PPM1L: variants seen among roughly 807,000 people sequenced by gnomAD.
PPM1L encodes protein phosphatase 1L.
Under a neutral mutation model 31.4 loss-of-function variants are expected in PPM1L, and 13 were observed. That is an observed-to-expected ratio of 0.41 (90% CI 0.27 to 0.66). The LOEUF is 0.66. Ranked by LOEUF, PPM1L falls within the 30% of genes least tolerant of loss-of-function variation. The pLI is 0.29. For synonymous variants in PPM1L, 184 were observed against 175.4 expected, an observed-to-expected ratio of 1.05 and a Z score of -0.39; for missense variants, 326 against 453.7, an observed-to-expected ratio of 0.72 and a Z score of 2.56.
At chr3:160,931,103 A>G (rs1714770954) in intron 1 of PPM1L, among the ~76,000 whole-genome samples, 1 of 152,220 alleles carries the variant, frequency 6.6e-6, no homozygotes, top group Admixed American at 6.5e-5. Context: ...ACACTAATTA[A>G]GACAGTAGGG....
rs547202467 is a variant in PPM1L, at chr3:160,903,014, C to T, written c.400-58722C>T. On this transcript the variant is annotated intron_variant, in intron 1 of 3. Transcript: ENST00000498165. ...GCTACCTATAAACTGACTTGTGGGA[C>T]CTTAGATAAGGTACATATCTTTAAA... Among the ~76,000 whole-genome samples, 3 of 152,202 alleles carry T rather than the reference C, an allele frequency of 2.0e-5. No homozygotes were observed. The South Asian group carries it at 6.2e-4, about 32-fold the overall frequency.
At chr3:160,797,950 C>G (rs62272819) in intron 1 of PPM1L, among the ~76,000 whole-genome samples, 1 of 152,122 alleles carries the variant, frequency 6.6e-6, no homozygotes, top group South Asian at 2.1e-4. Context: ...GAGGCCAAGG[C>G]GGGCGGATCA....
intron 2 of PPM1L, among the ~76,000 whole-genome samples, chr3:161,045,535 G>A (rs1240973212): frequency 6.6e-6 from 1 of 152,150 alleles, no homozygotes; most frequent in Non-Finnish European, 1.5e-5. Context: ...GGTGTATAAC[G>A]AAATGAAGGC....
At chr3:160,807,264 C>T (rs1712633174) in intron 1 of PPM1L, among the ~76,000 whole-genome samples, 1 of 152,188 alleles carries the variant, frequency 6.6e-6, no homozygotes, top group South Asian at 2.1e-4. Context: ...TAGGCACCCA[C>T]CTTCAATGAA....
At chr3:161,046,514 G>C (rs1189273878) in intron 2 of PPM1L, among the ~76,000 whole-genome samples, 2 of 152,102 alleles carry the variant, frequency 1.3e-5, no homozygotes, top group Non-Finnish European at 1.5e-5. Flanking sequence ...AGAGGTACAA[G>C]GAGGAGCTGG....
chr3:160,941,318 GT>G (rs1297213915), intron 1 of PPM1L, among the ~76,000 whole-genome samples: 2 of 152,136 alleles, frequency 1.3e-5, no homozygotes, highest in African/African-American at 4.8e-5. Flanking sequence ...GGGAAGGCAT[GT>G]TTGGTTTTGA....
intron 2 of PPM1L, among the ~76,000 whole-genome samples, chr3:161,010,458 A>G (rs1475654716): frequency 6.6e-6 from 1 of 152,144 alleles, no homozygotes; most frequent in Non-Finnish European, 1.5e-5. Context: ...AGTCTTTGCT[A>G]TTGTGAATAG....
intron 1 of PPM1L, among the ~76,000 whole-genome samples, chr3:160,793,783 C>A (rs1712168848): frequency 6.6e-6 from 1 of 152,134 alleles, no homozygotes; most frequent in African/African-American, 2.4e-5. Context: ...TTCCAGAGAA[C>A]AATGGCAGGG....
intron 2 of PPM1L, among the ~76,000 whole-genome samples, chr3:161,054,981 T>C (rs1719371776): frequency 6.6e-6 from 1 of 152,198 alleles, no homozygotes; most frequent in East Asian, 1.9e-4. Context: ...ATTTGAATCG[T>C]AATTAGTATT....
chr3:161,062,145 GAA>G (rs1284006820), intron 2 of PPM1L, among the ~76,000 whole-genome samples: 3 of 147,150 alleles, frequency 2.0e-5, no homozygotes, highest in East Asian at 3.9e-4. Context: ...AGTGGGGGGG[GAA>G]AAAAAAAAGC....
chr3:160,787,987 A>G (rs534917621), intron 1 of PPM1L, among the ~76,000 whole-genome samples: 6 of 152,094 alleles, frequency 3.9e-5, no homozygotes, highest in African/African-American at 1.4e-4. Context: ...CTGTTTTTGA[A>G]CCAGTACCAT....
At chr3:160,895,260 T>C (rs1257949553) in intron 1 of PPM1L, among the ~76,000 whole-genome samples, 1 of 152,204 alleles carries the variant, frequency 6.6e-6, no homozygotes, top group Non-Finnish European at 1.5e-5. Context: ...TTACCCAGGC[T>C]GGGGTGCAGT....
chr3:161,066,098 T>A (rs553495215), intron 3 of PPM1L, among the ~76,000 whole-genome samples: 18 of 152,346 alleles, frequency 1.2e-4, no homozygotes, highest in South Asian at 8.3e-4. Flanking sequence ...TTACAATACA[T>A]GGACATACCT....
intron 2 of PPM1L, among the ~76,000 whole-genome samples, chr3:160,977,132 T>C (rs1391860528): frequency 6.6e-6 from 1 of 152,232 alleles, no homozygotes; most frequent in Admixed American, 6.5e-5. Flanking sequence ...ACTGTTTTTT[T>C]AAGTCACCTT....
intron 1 of PPM1L, among the ~76,000 whole-genome samples, chr3:160,845,377 G>T (rs76637881): frequency 0.032 from 4,839 of 152,060 alleles, 235 homozygotes; most frequent in African/African-American, 0.11. Context: ...AGTTTTAAAA[G>T]ATATTCTGGA....
chr3:161,033,701 T>G (rs980808559), intron 2 of PPM1L, among the ~76,000 whole-genome samples: 1 of 152,156 alleles, frequency 6.6e-6, no homozygotes, highest in Non-Finnish European at 1.5e-5. Flanking sequence ...TCGAGATGGA[T>G]TAAAGACTTC....
chr3:160,930,055 C>A (rs990237540), intron 1 of PPM1L, among the ~76,000 whole-genome samples: 2 of 152,208 alleles, frequency 1.3e-5, no homozygotes, highest in Admixed American at 6.5e-5. Context: ...GGACACTGTG[C>A]TCCCAAGAAA....
At chr3:161,050,407 T>C (rs1327862995) in intron 2 of PPM1L, among the ~76,000 whole-genome samples, 2 of 152,194 alleles carry the variant, frequency 1.3e-5, no homozygotes, top group Non-Finnish European at 2.9e-5. Flanking sequence ...GTAATTTCTA[T>C]AAATGAGTCA....
chr3:160,835,999 A>G (rs1576661914), intron 1 of PPM1L, among the ~76,000 whole-genome samples: 1 of 150,382 alleles, frequency 6.6e-6, no homozygotes, highest in East Asian at 2.0e-4. Context: ...TGTTCTGGCC[A>G]GAAATCAATG....
Sources: gnomAD v4.1 joint callset for allele counts (sites outside exome capture counted in the v4.1 genomes callset) on GRCh38, gnomAD v4.1.1 for gene constraint, MANE v1.5 for transcripts, NCBI Gene and HGNC (gene_info 2026-07-23, HGNC 2026-07-21) for gene names.